Variants in OSBPL10 observed in about 807,000 individuals in gnomAD.
The protein encoded by OSBPL10 is oxysterol binding protein like 10, also known as oxysterol-binding protein-related protein 10.
OSBPL10 carries 49 observed loss-of-function variants against 81.7 expected under a neutral mutation model. The observed-to-expected ratio is 0.60, with a 90% confidence interval of 0.48 to 0.76. OSBPL10 has a LOEUF of 0.76. Among genes scored for constraint, OSBPL10 ranks in the 30% least tolerant of loss-of-function variants. The pLI, the probability that OSBPL10 is intolerant of heterozygous loss-of-function variation, is 0.00. For missense variants in OSBPL10, 923 were observed against 987.8 expected (o/e 0.93, Z 0.88); for synonymous variants, 419 against 383.6 (o/e 1.09, Z -1.08).
chr3:31,905,488 T>A (rs1309578762), intron 1 of OSBPL10, among the ~76,000 whole-genome samples: 1 of 151,832 alleles, frequency 6.6e-6, no homozygotes, highest in Admixed American at 6.6e-5. Context: ...TAGCTGAGAT[T>A]ACAGACATGC....
chr3:32,062,443 T>C (rs74844338), intron 1 of OSBPL10, among the ~76,000 whole-genome samples: 4,090 of 94,382 alleles, frequency 0.043, 1,008 homozygotes, highest in African/African-American at 0.1. Context: ...AGTATGTTTG[T>C]ATGGCTATGG....
chr3:31,684,979 T>C (rs1053324995), intron 7 of OSBPL10, among the ~76,000 whole-genome samples: 3 of 152,150 alleles, frequency 2.0e-5, no homozygotes, highest in Non-Finnish European at 4.4e-5. Context: ...AGACTCCTCA[T>C]TGATCCAAAG....
chr3:31,674,543 G>C (rs931667421), intron 8 of OSBPL10, among the ~76,000 whole-genome samples: 1 of 152,140 alleles, frequency 6.6e-6, no homozygotes, highest in Admixed American at 6.5e-5. Context: ...CTGGACAACA[G>C]AGTGAGACCC....
At chr3:31,734,364 A>G (rs778242849) in intron 5 of OSBPL10, among the ~76,000 whole-genome samples, 1 of 152,214 alleles carries the variant, frequency 6.6e-6, no homozygotes, top group Non-Finnish European at 1.5e-5. Context: ...ATTATTGTAG[A>G]ACATTTTATA....
chr3:31,685,916 G>C (rs779546526), intron 7 of OSBPL10, among the ~76,000 whole-genome samples: 2 of 152,202 alleles, frequency 1.3e-5, no homozygotes, highest in African/African-American at 2.4e-5. Context: ...ATGTGGCAGT[G>C]TTAGGAAGTG....
At chr3:32,043,601 G>A (rs1311863961) in intron 2 of OSBPL10, among the ~76,000 whole-genome samples, 3 of 152,296 alleles carry the variant, frequency 2.0e-5, no homozygotes, top group East Asian at 3.9e-4. Context: ...CATGGCTCCA[G>A]CCGGTCCCTC....
At chr3:31,813,273 C>T (rs907558383) in intron 4 of OSBPL10, among the ~76,000 whole-genome samples, 3 of 152,178 alleles carry the variant, frequency 2.0e-5, no homozygotes, top group African/African-American at 4.8e-5. Flanking sequence ...ACCCAGCCTA[C>T]TGTCTTCATT....
chr3:32,069,828 A>G (rs1699812842), intron 1 of OSBPL10, among the ~76,000 whole-genome samples: 1 of 152,238 alleles, frequency 6.6e-6, no homozygotes, highest in African/African-American at 2.4e-5. Context: ...CATCAAAGCC[A>G]TAGCTCCCAG....
At chr3:31,689,228 C>G (rs962448632) in intron 7 of OSBPL10, among the ~76,000 whole-genome samples, 1 of 151,936 alleles carries the variant, frequency 6.6e-6, no homozygotes, top group Admixed American at 6.6e-5. Context: ...GGGAAAAAGG[C>G]GGGGAATTTT....
At chr3:31,799,863 C>T (rs1021601869) in intron 4 of OSBPL10, among the ~76,000 whole-genome samples, 1 of 152,194 alleles carries the variant, frequency 6.6e-6, no homozygotes, top group Non-Finnish European at 1.5e-5. Context: ...CGCCCACCAC[C>T]ATACCCGGCT....
intron 4 of OSBPL10, among the ~76,000 whole-genome samples, chr3:31,829,459 G>T (rs1429179268): frequency 6.6e-6 from 1 of 152,198 alleles, no homozygotes; most frequent in African/African-American, 2.4e-5. Context: ...TATTTCCCCA[G>T]AGAAGGCTGG....
chr3:31,661,984 G>A lies in OSBPL10; in HGVS notation c.*88C>T. 3.9e-6 allele frequency: 6 copies of A among 1,552,996 alleles called. No homozygotes were observed. Among genetic ancestry groups the A allele is most frequent in the Non-Finnish European group, 4.4e-6 (5 of 1,144,622 alleles). On this transcript the variant is annotated 3_prime_UTR_variant, in exon 12 of 12. Transcript: ENST00000396556. ...TCTTGGATGCTAATACAAGGTCTCA[G>A]TGAATGCCAACAAAACCCTGATACT...
intron 4 of OSBPL10, among the ~76,000 whole-genome samples, chr3:31,756,595 T>A (rs1697896421): frequency 6.6e-6 from 1 of 152,254 alleles, no homozygotes; most frequent in Non-Finnish European, 1.5e-5. Context: ...ACCCCTTATA[T>A]ATAATTGTAT....
intron 2 of OSBPL10, among the ~76,000 whole-genome samples, chr3:32,012,088 G>T (rs926147731): frequency 2.0e-5 from 3 of 152,142 alleles, no homozygotes; most frequent in African/African-American, 7.2e-5. Flanking sequence ...AGGAAATACA[G>T]AGAATGCCAC....
In OSBPL10 at chr3:32,052,969, T is replaced by TTA. The variant is rs573860707; in HGVS notation, n.186-6367_186-6366insTA. 0.012 allele frequency among the ~76,000 whole-genome samples: 732 copies of TTA among 59,696 alleles called. 17 individuals carry two copies. In the East Asian group the frequency reaches 0.48, roughly 39 times the overall value. 39.2% of individuals were successfully genotyped at this position (59,696 alleles called of 152,430 possible). ...ATATATCCCAGAACTTACAGAACAA[T>TTA]CAAAAAAAAATTGATTGACTTACCT... is the stretch of plus-strand genomic sequence containing the variant. On this transcript the variant is annotated intron_variant and non_coding_transcript_variant, in intron 1 of 3. Transcript: ENST00000479173.
intron 1 of OSBPL10, among the ~76,000 whole-genome samples, chr3:31,939,525 T>G (rs1462779490): frequency 6.6e-6 from 1 of 151,488 alleles, no homozygotes; most frequent in Admixed American, 6.6e-5. Context: ...TTCTTCACAG[T>G]CAAGCTTCTA....
chr3:31,827,145 T>G (rs1700120849), intron 4 of OSBPL10, among the ~76,000 whole-genome samples: 1 of 152,056 alleles, frequency 6.6e-6, no homozygotes, highest in Admixed American at 6.6e-5. Context: ...ACTCCTGGCC[T>G]CAAGCAATCC....
At chr3:31,678,452 C>T (rs140640622) in intron 8 of OSBPL10, among the ~76,000 whole-genome samples, 8 of 152,300 alleles carry the variant, frequency 5.3e-5, no homozygotes, top group Admixed American at 2.6e-4. Flanking sequence ...CGGAGCCCAC[C>T]GCTGGTGGTC....
chr3:31,914,057 A>T (rs1245613666), intron 1 of OSBPL10, among the ~76,000 whole-genome samples: 2 of 152,060 alleles, frequency 1.3e-5, no homozygotes, highest in South Asian at 4.2e-4. Context: ...AAGTGTTGGG[A>T]TTATAGGCAC....
Sources: gnomAD v4.1 joint callset for allele counts (sites outside exome capture counted in the v4.1 genomes callset) on GRCh38, gnomAD v4.1.1 for gene constraint, MANE v1.5 for transcripts, NCBI Gene and HGNC (gene_info 2026-07-23, HGNC 2026-07-21) for gene names.